SNX31: variants seen among roughly 807,000 people sequenced by gnomAD.
SNX31 encodes the protein sorting nexin-31.
In SNX31, 58 loss-of-function variants were observed where a neutral mutation model predicts 65.4. That is an observed-to-expected ratio of 0.89 (90% CI 0.72 to 1.10). SNX31 has a LOEUF of 1.10. Among genes scored for constraint, SNX31 ranks in the 50% least tolerant of loss-of-function variants. The pLI is 0.00. For missense variants in SNX31, 523 were observed against 529.7 expected (o/e 0.99, Z 0.12); for synonymous variants, 181 against 190.1 (o/e 0.95, Z 0.39).
chr8:100,600,335 A>C lies in SNX31; in HGVS notation c.774+14T>G, dbSNP rs1160939472. ...CCTTTCAAGGGATTTCTCTTGGAGC[A>C]ATATTTGATTCACCTTTGTTTGACT... On this transcript the variant is annotated intron_variant, in intron 9 of 13. Coordinates refer to ENST00000311812, the MANE Select transcript of SNX31 (RefSeq NM_152628.4). The C allele has an allele frequency of 6.2e-7, 1 of 1,603,054 alleles. No homozygotes were observed. The highest frequency in any genetic ancestry group is 1.1e-5 in the South Asian group (1 of 90,834).
chr8:100,610,589 C>G lies in SNX31; in HGVS notation c.611+1411G>C, dbSNP rs1383963080. Among the ~76,000 whole-genome samples the G allele has an allele frequency of 6.6e-6, 1 of 152,194 alleles. No individual in the cohort carries two copies. The highest frequency in any genetic ancestry group is 1.5e-5 in the Non-Finnish European group (1 of 68,038). On this transcript the variant is annotated intron_variant, in intron 7 of 13. Coordinates refer to ENST00000311812, the MANE Select transcript of SNX31 (RefSeq NM_152628.4). The surrounding 1 kb of genome is among the most constrained non-coding windows in gnomAD (Gnocchi z 4.0). ...ACGCAGCTAAGACCTGAGCAAGGCG[C>G]AACTTAGATTCACATACTGTAATTC...
At chr8:100,586,255 G>T (rs972698619) in intron 11 of SNX31, among the ~76,000 whole-genome samples, 1 of 152,196 alleles carries the variant, frequency 6.6e-6, no homozygotes, top group Non-Finnish European at 1.5e-5. Flanking sequence ...GTCTCAAAAA[G>T]ATTTGGGCCC....
chr8:100,624,400 G>A (rs1378703251), intron 4 of SNX31, among the ~76,000 whole-genome samples: 1 of 152,182 alleles, frequency 6.6e-6, no homozygotes, highest in African/African-American at 2.4e-5. Flanking sequence ...GGAGGACAGG[G>A]GAGTGTTATA....
chr8:100,591,093 G>A (rs1437322129), intron 10 of SNX31, among the ~76,000 whole-genome samples: 1 of 152,146 alleles, frequency 6.6e-6, no homozygotes, highest in Non-Finnish European at 1.5e-5. Context: ...GCTCTAGGGA[G>A]TTTTTGACAA....
chr8:100,659,218 C>T (rs1010917898), intron 1 of SNX31, among the ~76,000 whole-genome samples: 13 of 151,922 alleles, frequency 8.6e-5, no homozygotes, highest in African/African-American at 2.4e-4. Context: ...TGGTGGTGGG[C>T]ACCTGTAATC....
intron 1 of SNX31, among the ~76,000 whole-genome samples, chr8:100,659,056 TG>T (rs1483834439): frequency 6.6e-6 from 1 of 151,874 alleles, no homozygotes; most frequent in Non-Finnish European, 1.5e-5. Flanking sequence ...TAAGAAGGTG[TG>T]GGGGCTGGCC....
At chr8:100,633,649 C>T (rs961341684) in intron 3 of SNX31, among the ~76,000 whole-genome samples, 1 of 152,098 alleles carries the variant, frequency 6.6e-6, no homozygotes, top group African/African-American at 2.4e-5. Flanking sequence ...AGATGATCTG[C>T]CCACCTCAGC....
chr8:100,586,651 A>G lies in SNX31; in HGVS notation c.1092+2215T>C, dbSNP rs1814077951. Among the ~76,000 whole-genome samples, 4 of 152,214 alleles carry G rather than the reference A, an allele frequency of 2.6e-5. No homozygotes were observed. The South Asian group carries it at 8.3e-4, about 31-fold the overall frequency. ...TACTATTTCCCCAAAGATGTTTCAT[A>G]CTTAAGGTGGACCTAAGGACCCACT... On this transcript the variant is annotated intron_variant, in intron 11 of 13. Transcript: ENST00000311812.
intron 12 of SNX31, among the ~76,000 whole-genome samples, chr8:100,580,283 A>G (rs1001099096): frequency 2.6e-5 from 4 of 152,184 alleles, no homozygotes; most frequent in African/African-American, 4.8e-5. Flanking sequence ...CACTTTCAGA[A>G]ATTCCTTAGG....
At chr8:100,584,362 T>G (rs1201052239) in intron 11 of SNX31, among the ~76,000 whole-genome samples, 174 bp from the exon 12 acceptor site, 1 of 152,220 alleles carries the variant, frequency 6.6e-6, no homozygotes, top group East Asian at 1.9e-4. Flanking sequence ...AGTAAGTAAC[T>G]ATAAATTTTC....
At chr8:100,585,069 T>C (rs1813917682) in intron 11 of SNX31, among the ~76,000 whole-genome samples, 1 of 152,104 alleles carries the variant, frequency 6.6e-6, no homozygotes, top group Non-Finnish European at 1.5e-5. Flanking sequence ...TGTTCTAGAC[T>C]CATAGTCACC....
At chr8:100,600,944 T>C (rs191865841) in intron 8 of SNX31, among the ~76,000 whole-genome samples, 3 of 152,222 alleles carry the variant, frequency 2.0e-5, no homozygotes, top group African/African-American at 7.2e-5. Context: ...ACAGTTAATA[T>C]TTATATAAAG....
chr8:100,596,268 G>T (rs1049786422), intron 10 of SNX31, among the ~76,000 whole-genome samples: 2 of 152,204 alleles, frequency 1.3e-5, no homozygotes, highest in African/African-American at 4.8e-5. Flanking sequence ...CCAAGGTGTT[G>T]TAAGAAGAGC....
At chr8:100,585,300 A>G (rs1813943078) in intron 11 of SNX31, among the ~76,000 whole-genome samples, 2 of 152,012 alleles carry the variant, frequency 1.3e-5, no homozygotes, top group Non-Finnish European at 2.9e-5. Flanking sequence ...TGGCCCTACT[A>G]AGGTTTGGGA....
chr8:100,599,636 T>C (rs1024947042), intron 9 of SNX31, among the ~76,000 whole-genome samples: 1 of 152,274 alleles, frequency 6.6e-6, no homozygotes, highest in African/African-American at 2.4e-5. Flanking sequence ...ATTTTGGTTG[T>C]ATTTCGTTCA....
chr8:100,623,183 G>A (rs903035296), intron 4 of SNX31, among the ~76,000 whole-genome samples: 4 of 152,214 alleles, frequency 2.6e-5, no homozygotes, highest in African/African-American at 9.6e-5. Flanking sequence ...AATGTGAAGG[G>A]CAAGCAGGCA....
rs564558629 is a variant in SNX31, at chr8:100,626,763, C to T, written c.321+3564G>A. Among the ~76,000 whole-genome samples, 10 of 152,218 alleles carry T rather than the reference C, an allele frequency of 6.6e-5. No individual in the cohort carries two copies. Among genetic ancestry groups the T allele is most frequent in the South Asian group, 4.1e-4 (2 of 4,826 alleles). On this transcript the variant is annotated intron_variant, in intron 4 of 13. Coordinates refer to ENST00000311812, the MANE Select transcript of SNX31 (RefSeq NM_152628.4). The surrounding 1 kb of genome is among the most constrained non-coding windows in gnomAD (Gnocchi z 4.4). ...CAAATAACATATACCAAAAGAATTA[C>T]ATCATTAAGCAGATGAAAATAAAAA...
rs1809763500 is a variant in SNX31 at position 100,660,439 on chromosome 8, T to C, written c.-58+2703A>G. Among the ~76,000 whole-genome samples the C allele has an allele frequency of 6.6e-6, 1 of 152,232 alleles. No homozygotes were observed. The highest frequency in any genetic ancestry group is 2.4e-5 in the African/African-American group (1 of 41,454). On this transcript the variant is annotated intron_variant, in intron 1 of 5. Transcript: ENST00000520352. The surrounding 1 kb of genome is among the most constrained non-coding windows in gnomAD (Gnocchi z 4.1). Reference sequence around the variant, plus strand: ...TCATTTGAGTTATCAGCCACTAATGTATGCTGTTTCCTGTAAAGACAATGT... The same window carrying C: ...TCATTTGAGTTATCAGCCACTAATGCATGCTGTTTCCTGTAAAGACAATGT...
rs1006914997 is a variant in SNX31, at chr8:100,609,970, C to A, written c.612-1407G>T. On this transcript the variant is annotated intron_variant, in intron 7 of 13. Transcript: ENST00000311812. This position sits in a 1 kb window ranked among gnomAD's most constrained non-coding sequence, Gnocchi z 4.9. Reference sequence around the variant, plus strand: ...CCACTTAGGCCTCACTGAGGCTTCACCTGCTGGGAATCACTCAGCTTTTGG... The same window carrying A: ...CCACTTAGGCCTCACTGAGGCTTCAACTGCTGGGAATCACTCAGCTTTTGG... 2.6e-5 allele frequency among the ~76,000 whole-genome samples: 4 copies of A among 152,230 alleles called. No homozygotes were observed. Among genetic ancestry groups the A allele is most frequent in the African/African-American group, 9.6e-5 (4 of 41,470 alleles).
Sources: allele counts gnomAD v4.1 joint callset (sites outside exome capture counted in the v4.1 genomes callset), GRCh38; gene constraint gnomAD v4.1.1; non-coding constraint Gnocchi (gnomAD v3.1); transcripts MANE v1.5; gene names NCBI Gene and HGNC (gene_info 2026-07-23, HGNC 2026-07-21).